Variants in VAV2 observed in about 807,000 individuals in gnomAD.
VAV2 encodes the protein guanine nucleotide exchange factor VAV2.
In VAV2, 67 loss-of-function variants were observed where a neutral mutation model predicts 132.5. The ratio of observed to expected loss-of-function variants is 0.51; its 90% confidence interval spans 0.42 to 0.62. VAV2 has a LOEUF of 0.62. Among genes scored for constraint, VAV2 ranks in the 20% least tolerant of loss-of-function variants. The probability of loss-of-function intolerance (pLI) is 0.00; values close to 1 mark genes in which losing one functional copy is unlikely to be tolerated. For missense variants in VAV2, 938 were observed against 1,153.6 expected, an observed-to-expected ratio of 0.81 and a Z score of 2.71; for synonymous variants, 492 against 443.5, an observed-to-expected ratio of 1.11 and a Z score of -1.37.
At chr9:133,848,610 C>A (rs1428813301) in intron 3 of VAV2, among the ~76,000 whole-genome samples, 1 of 152,244 alleles carries the variant, frequency 6.6e-6, no homozygotes, top group African/African-American at 2.4e-5. Context: ...CCTCTCTTGT[C>A]GAAACGCCGC....
chr9:133,870,609 G>A (rs1486315423), intron 2 of VAV2, among the ~76,000 whole-genome samples: 1 of 152,116 alleles, frequency 6.6e-6, no homozygotes, highest in Non-Finnish European at 1.5e-5. Flanking sequence ...GAGCCTTGGG[G>A]ACCAGCAGCC....
At chr9:133,936,847 TGAGACATGGG>T (rs1840929711) in intron 2 of VAV2, among the ~76,000 whole-genome samples, 1 of 151,996 alleles carries the variant, frequency 6.6e-6, no homozygotes, top group Non-Finnish European at 1.5e-5. Flanking sequence ...ACCGCCACGG[TGAGACATGGG>T]GAGACCAGAG....
intron 7 of VAV2, among the ~76,000 whole-genome samples, chr9:133,807,946 G>A (rs1418478381): frequency 6.6e-6 from 1 of 152,174 alleles, no homozygotes; most frequent in Non-Finnish European, 1.5e-5. Flanking sequence ...TCCTGGTCAG[G>A]GCAGCCAGCC....
rs149871025 is a variant in VAV2 at position 133,793,491 on chromosome 9, A to G, written c.1102-1622T>C. Among the ~76,000 whole-genome samples, 1,407 of 152,170 alleles carry G rather than the reference A, an allele frequency of 9.2e-3. 29 individuals are homozygous for G. The highest frequency in any genetic ancestry group is 0.044 in the Admixed American group (679 of 15,276). ...GTGTTCCGTTTTCTTGTCGTTGTCCACTTGCCTTTAAAATAAGGAATAAAT... is the reference window on the plus strand; with the variant it reads ...GTGTTCCGTTTTCTTGTCGTTGTCCGCTTGCCTTTAAAATAAGGAATAAAT... On this transcript the variant is annotated intron_variant, in intron 12 of 29. Coordinates refer to ENST00000371850, the MANE Select transcript of VAV2 (RefSeq NM_001134398.2).
intron 3 of VAV2, among the ~76,000 whole-genome samples, chr9:133,836,757 T>G (rs1275635827): frequency 6.6e-6 from 1 of 152,216 alleles, no homozygotes; most frequent in Non-Finnish European, 1.5e-5. Context: ...ACTGTACTTC[T>G]AGAACCCGCC....
intron 2 of VAV2, among the ~76,000 whole-genome samples, chr9:133,873,478 C>G (rs1462827102): frequency 6.6e-6 from 1 of 152,254 alleles, no homozygotes. Flanking sequence ...CTGCAGCTGT[C>G]TCTGCACAGT....
intron 1 of VAV2, among the ~76,000 whole-genome samples, chr9:133,987,245 C>T (rs908066056): frequency 2.0e-5 from 3 of 151,964 alleles, no homozygotes; most frequent in Non-Finnish European, 4.4e-5. Flanking sequence ...GAAGGAGCAG[C>T]AAGGGTATCG....
rs764071595 is a variant in VAV2 at position 133,812,232 on chromosome 9, C to G, written c.450-16G>C. 4.3e-6 allele frequency: 7 copies of G among 1,612,350 alleles called. No individual in the cohort carries two copies. The highest frequency in any genetic ancestry group is 5.1e-6 in the Non-Finnish European group (6 of 1,179,098). Reference sequence around the variant, plus strand: ...GTCATGCTCGCTGCACAGGAGGAGGCGGGTTAGAGGGGAGGGGAGGCTCCC... The same window carrying G: ...GTCATGCTCGCTGCACAGGAGGAGGGGGGTTAGAGGGGAGGGGAGGCTCCC... On this transcript the variant is annotated splice_polypyrimidine_tract_variant and intron_variant, in intron 4 of 29. Coordinates refer to ENST00000371850, the MANE Select transcript of VAV2 (RefSeq NM_001134398.2).
rs560971120 is a variant in VAV2 at position 133,912,951 on chromosome 9, C to T, written c.321+26152G>A. 2.5e-4 allele frequency among the ~76,000 whole-genome samples: 38 copies of T among 152,158 alleles called. No homozygotes were observed. Among genetic ancestry groups the T allele is most frequent in the Admixed American group, 1.2e-3 (18 of 15,278 alleles). On this transcript the variant is annotated intron_variant, in intron 2 of 29. Coordinates refer to ENST00000371850, the MANE Select transcript of VAV2 (RefSeq NM_001134398.2). This position sits in a 1 kb window ranked among gnomAD's most constrained non-coding sequence, Gnocchi z 4.3. ...AACTTCAGCCAGCACAGTCCACGGG[C>T]GGTGGAGTGCCATTTGGAACCGGGT... is the stretch of plus-strand genomic sequence containing the variant.
chr9:133,819,120 C>T (rs1309436499), intron 4 of VAV2, among the ~76,000 whole-genome samples: 1 of 152,060 alleles, frequency 6.6e-6, no homozygotes, highest in East Asian at 1.9e-4. Context: ...TCTTCATGCA[C>T]CACTTCCCAT....
intron 4 of VAV2, among the ~76,000 whole-genome samples, chr9:133,831,254 G>A (rs1053042618): frequency 1.3e-5 from 2 of 152,080 alleles, no homozygotes; most frequent in African/African-American, 2.4e-5. Context: ...TGGCCAACAC[G>A]GTGAAACCTT....
At chr9:133,986,710 C>G (rs1004522201) in intron 1 of VAV2, among the ~76,000 whole-genome samples, 3 of 152,222 alleles carry the variant, frequency 2.0e-5, no homozygotes, top group African/African-American at 7.2e-5. Context: ...CTATCCCCCC[C>G]AAAAAAAGAA....
At chr9:133,916,178 C>T (rs1294397325) in intron 2 of VAV2, among the ~76,000 whole-genome samples, 2 of 152,260 alleles carry the variant, frequency 1.3e-5, no homozygotes, top group African/African-American at 4.8e-5. Flanking sequence ...AGGGGCTTTG[C>T]TCAAACACGC....
At position 133,918,135 on chromosome 9, in the gene VAV2, G is replaced by A. The variant is rs1840166495; in HGVS notation, c.321+20968C>T. On this transcript the variant is annotated intron_variant, in intron 2 of 29. Coordinates refer to ENST00000371850, the MANE Select transcript of VAV2 (RefSeq NM_001134398.2). This position sits in a 1 kb window ranked among gnomAD's most constrained non-coding sequence, Gnocchi z 4.7. ...TCCTAATGATATGCCCACAGTATTAGGACAGCTCTCCTTTTCCACTTGAAA... is the reference window on the plus strand; with the variant it reads ...TCCTAATGATATGCCCACAGTATTAAGACAGCTCTCCTTTTCCACTTGAAA... Among the ~76,000 whole-genome samples the A allele has an allele frequency of 1.3e-5, 2 of 152,154 alleles. No individual in the cohort carries two copies. The highest frequency in any genetic ancestry group is 4.8e-5 in the African/African-American group (2 of 41,412).
In VAV2 at chr9:133,926,471, G is replaced by A. The variant is rs1025397990; in HGVS notation, c.321+12632C>T. The A allele has an allele frequency of 5.3e-5, 8 of 152,368 alleles. No individual in the cohort carries two copies. The highest frequency in any genetic ancestry group is 1.7e-4 in the African/African-American group (7 of 41,436). 9.4% of individuals were successfully genotyped at this position (152,368 alleles called of 1,614,324 possible). A position where few individuals can be genotyped will look rare whatever the true frequency, so the allele number is the denominator to read the frequency against. ...GTGGGTCTCCCTTCTGAAAACCCCA[G>A]GATAGCACCCCAAATCTCTCTGGTA... On this transcript the variant is annotated intron_variant, in intron 2 of 29. Transcript: ENST00000371850. The surrounding 1 kb of genome is among the most constrained non-coding windows in gnomAD (Gnocchi z 4.3).
chr9:133,865,476 G>A (rs1837761919), intron 2 of VAV2, among the ~76,000 whole-genome samples: 1 of 151,180 alleles, frequency 6.6e-6, no homozygotes, highest in African/African-American at 2.4e-5. Flanking sequence ...TCTCCCTTCG[G>A]CTCCACCTAG....
chr9:133,943,256 C>T (rs1841236748), intron 1 of VAV2, among the ~76,000 whole-genome samples: 1 of 152,186 alleles, frequency 6.6e-6, no homozygotes, highest in Admixed American at 6.5e-5. Flanking sequence ...AGGTTCTAGA[C>T]AGAGACCCTG....
intron 3 of VAV2, among the ~76,000 whole-genome samples, chr9:133,849,050 A>G (rs925468417): frequency 2.6e-5 from 4 of 152,198 alleles, no homozygotes; most frequent in Non-Finnish European, 5.9e-5. Context: ...GCGCAGATAC[A>G]TTTTTAATGC....
At chr9:133,871,954 G>A (rs992676516) in intron 2 of VAV2, among the ~76,000 whole-genome samples, 1 of 152,174 alleles carries the variant, frequency 6.6e-6, no homozygotes, top group African/African-American at 2.4e-5. Context: ...TGGGGTCATC[G>A]CTCCACCCTT....
Sources: gnomAD v4.1 joint callset for allele counts (sites outside exome capture counted in the v4.1 genomes callset) on GRCh38, gnomAD v4.1.1 for gene constraint, Gnocchi (gnomAD v3.1) non-coding constraint, MANE v1.5 for transcripts, NCBI Gene and HGNC (gene_info 2026-07-23, HGNC 2026-07-21) for gene names.